The following CDC42SE2 variants were observed in gnomAD, a reference collection of about 807,000 sequenced individuals.
CDC42SE2 encodes CDC42 small effector 2.
In CDC42SE2, 3 loss-of-function variants were observed where a neutral mutation model predicts 11.5. The observed-to-expected ratio is 0.26, with a 90% CI of 0.12 to 0.67. The LOEUF (loss-of-function observed/expected upper bound fraction) is 0.67. CDC42SE2 is among the 30% of genes least tolerant of loss of function. CDC42SE2 has a pLI of 0.80. For missense variants in CDC42SE2, 82 were observed against 106.8 expected, an observed-to-expected ratio of 0.77 and a Z score of 1.02; for synonymous variants, 33 against 34.8, an observed-to-expected ratio of 0.95 and a Z score of 0.18.
chr5:131,312,929 C>G (rs10055329), intron 1 of CDC42SE2, among the ~76,000 whole-genome samples: 3 of 152,066 alleles, frequency 2.0e-5, no homozygotes, highest in African/African-American at 7.2e-5. Flanking sequence ...GATCTGTAGA[C>G]GGGAGCTGTT....
the CDC42SE2 span, among the ~76,000 whole-genome samples, chr5:131,220,757 G>A: frequency 2.6e-5 from 4 of 152,100 alleles, no homozygotes; most frequent in African/African-American, 7.2e-5. Context: ...GCTATGGCCT[G>A]ATTACTAGAG....
intron 2 of CDC42SE2, among the ~76,000 whole-genome samples, chr5:131,352,630 GT>G (rs1749377155): frequency 6.6e-6 from 1 of 152,138 alleles, no homozygotes; most frequent in South Asian, 2.1e-4. Flanking sequence ...AAGTAGCTGT[GT>G]GATAAATACA....
the CDC42SE2 span, among the ~76,000 whole-genome samples, chr5:131,219,969 A>C: frequency 6.6e-6 from 1 of 151,138 alleles, no homozygotes; most frequent in Non-Finnish European, 1.5e-5. Flanking sequence ...GTGGGTTGCC[A>C]CAGCAACTGT....
chr5:131,289,317 A>G (rs1757402593), intron 1 of CDC42SE2, among the ~76,000 whole-genome samples: 1 of 152,208 alleles, frequency 6.6e-6, no homozygotes, highest in Non-Finnish European at 1.5e-5. Flanking sequence ...CGGTACCTGC[A>G]CTCAGTGACT....
At chr5:131,332,571 T>C (rs1758444581) in intron 2 of CDC42SE2, among the ~76,000 whole-genome samples, 1 of 152,132 alleles carries the variant, frequency 6.6e-6, no homozygotes, top group Non-Finnish European at 1.5e-5. Flanking sequence ...TGAACTAGTT[T>C]ACAGTCCCAC....
intron 1 of CDC42SE2, among the ~76,000 whole-genome samples, chr5:131,309,356 T>G (rs1182305253): frequency 6.6e-6 from 1 of 152,104 alleles, no homozygotes; most frequent in South Asian, 2.1e-4. Context: ...GCCAGTATTT[T>G]ATTGAGGATT....
chr5:131,342,224 G>T (rs370900266), intron 2 of CDC42SE2, among the ~76,000 whole-genome samples: 1 of 148,166 alleles, frequency 6.7e-6, no homozygotes, highest in Non-Finnish European at 1.5e-5. Context: ...AGGTTGCAGT[G>T]AGTTGAGATT....
the CDC42SE2 span, among the ~76,000 whole-genome samples, chr5:131,238,500 T>TC: frequency 9.7e-6 from 1 of 103,548 alleles, no homozygotes; most frequent in African/African-American, 3.4e-5. Context: ...CAGACTCGTC[T>TC]AAAAAAAAAA....
intron 3 of CDC42SE2, among the ~76,000 whole-genome samples, chr5:131,373,126 A>G (rs1048844817): frequency 6.6e-6 from 1 of 152,186 alleles, no homozygotes; most frequent in African/African-American, 2.4e-5. Context: ...ACAAAGAGAG[A>G]TATAGTTATC....
intron 4 of CDC42SE2, among the ~76,000 whole-genome samples, chr5:131,389,605 A>C (rs903303516): frequency 3.3e-5 from 5 of 152,240 alleles, no homozygotes; most frequent in African/African-American, 9.6e-5. Flanking sequence ...TGACTTACTC[A>C]AAAAATGAGT....
At chr5:131,377,353 G>T (rs947053531) in intron 3 of CDC42SE2, among the ~76,000 whole-genome samples, 2 of 151,886 alleles carry the variant, frequency 1.3e-5, no homozygotes, top group African/African-American at 4.8e-5. Flanking sequence ...TATTTTTGTA[G>T]AGATGGTGTT....
chr5:131,376,925 G>C (rs909762386), intron 3 of CDC42SE2, among the ~76,000 whole-genome samples: 1 of 152,126 alleles, frequency 6.6e-6, no homozygotes, highest in East Asian at 1.9e-4. Flanking sequence ...ATGACTTTGC[G>C]ATTGTGAATA....
At chr5:131,281,846 T>A (rs186081759) in intron 1 of CDC42SE2, among the ~76,000 whole-genome samples, 32 of 152,358 alleles carry the variant, frequency 2.1e-4, no homozygotes, top group Middle Eastern at 3.4e-3. Flanking sequence ...TGATTTTCAT[T>A]TTCCTTTTCA....
chr5:131,388,202 C>T (rs552940825), intron 4 of CDC42SE2, among the ~76,000 whole-genome samples: 8 of 152,124 alleles, frequency 5.3e-5, no homozygotes, highest in Admixed American at 1.3e-4. Context: ...ACCATGTTGG[C>T]GAGGCTGGTC....
the CDC42SE2 span, among the ~76,000 whole-genome samples, chr5:131,218,136 C>T: frequency 1.9e-4 from 27 of 142,374 alleles, no homozygotes; most frequent in Non-Finnish European, 9.0e-5. Context: ...TGAATCATAC[C>T]ACTGCACTCC....
At chr5:131,356,580 T>G (rs1473474320) in intron 2 of CDC42SE2, among the ~76,000 whole-genome samples, 1 of 152,170 alleles carries the variant, frequency 6.6e-6, no homozygotes, top group African/African-American at 2.4e-5. Flanking sequence ...TGAAAATATA[T>G]TTTAGCAGAT....
In CDC42SE2 at chr5:131,385,536, A is replaced by G. The variant is rs1750455979; in HGVS notation, c.55-7A>G. On this transcript the variant is annotated splice_region_variant and splice_polypyrimidine_tract_variant and intron_variant, in intron 3 of 4. Coordinates refer to ENST00000505065, the MANE Select transcript of CDC42SE2 (RefSeq NM_001375635.1). ...CTTTCTCAACACATTTGTTCCCCAT[A>G]TTTTAGAAAAGGCGACGGCGGATTG... is the stretch of plus-strand genomic sequence containing the variant. 2.5e-6 allele frequency: 4 copies of G among 1,607,126 alleles called. No individual in the cohort carries two copies. The highest frequency in any genetic ancestry group is 3.4e-6 in the Non-Finnish European group (4 of 1,174,088).
At chr5:131,374,247 T>C (rs1008462691) in intron 3 of CDC42SE2, among the ~76,000 whole-genome samples, 14 of 152,128 alleles carry the variant, frequency 9.2e-5, no homozygotes, top group Non-Finnish European at 1.6e-4. Flanking sequence ...GAGATACTTA[T>C]GGAGGGTATT....
intron 3 of CDC42SE2, among the ~76,000 whole-genome samples, chr5:131,372,194 G>GAT: frequency 6.6e-6 from 1 of 152,214 alleles, no homozygotes; most frequent in East Asian, 1.9e-4. Flanking sequence ...GATCATTTGG[G>GAT]ATAAGTAAAC....
Sources: allele counts gnomAD v4.1 joint callset (sites outside exome capture counted in the v4.1 genomes callset), GRCh38; gene constraint gnomAD v4.1.1; transcripts MANE v1.5; gene names NCBI Gene and HGNC (gene_info 2026-07-23, HGNC 2026-07-21).